CFAP96: variants seen among roughly 807,000 people sequenced by gnomAD.
CFAP96 encodes the protein cilia-and flagella-associated protein 96.
At chr4:185,419,257 G>T in the CFAP96 span, among the ~76,000 whole-genome samples, 1 of 151,768 alleles carries the variant, frequency 6.6e-6, no homozygotes, top group Non-Finnish European at 1.5e-5. Context: ...TCAGCCTCCC[G>T]AGTAGCTGGG....
the CFAP96 span, among the ~76,000 whole-genome samples, chr4:185,419,281 G>A: frequency 1.3e-5 from 2 of 151,988 alleles, no homozygotes; most frequent in African/African-American, 2.4e-5. Context: ...ACAGGTGCCC[G>A]CCACCACACC....
the CFAP96 span, chr4:185,415,304 CAGTT>C: frequency 6.2e-7 from 1 of 1,600,054 alleles, no homozygotes; most frequent in Non-Finnish European, 8.5e-7. Context: ...TTTTCCATGT[CAGTT>C]AGTTGATTAT....
chr4:185,437,315 C>G, the CFAP96 span, among the ~76,000 whole-genome samples: 1 of 152,178 alleles, frequency 6.6e-6, no homozygotes, highest in African/African-American at 2.4e-5. Flanking sequence ...TGCGGAATGT[C>G]TATTTGTAAA....
the CFAP96 span, among the ~76,000 whole-genome samples, chr4:185,419,030 GA>G: frequency 2.0e-5 from 3 of 152,194 alleles, no homozygotes; most frequent in African/African-American, 7.2e-5. Context: ...ACTAATTCTA[GA>G]ACATTTTCAT....
chr4:185,442,946 G>T, the CFAP96 span, among the ~76,000 whole-genome samples: 1 of 151,908 alleles, frequency 6.6e-6, no homozygotes, highest in Non-Finnish European at 1.5e-5. Flanking sequence ...AAGTATTTTT[G>T]CAGGAATAAT....
At chr4:185,432,902 G>GT in the CFAP96 span, among the ~76,000 whole-genome samples, 2 of 150,650 alleles carry the variant, frequency 1.3e-5, no homozygotes, top group African/African-American at 4.9e-5. Context: ...TTTTTTTGTT[G>GT]TTTTTTGAGA....
chr4:185,449,522 TA>T, the CFAP96 span: 34,676 of 803,906 alleles, frequency 0.043, no homozygotes, highest in South Asian at 0.081. Context: ...GACCCGGTCT[TA>T]AAAAAAAAAA....
chr4:185,422,648 T>G, the CFAP96 span: 7 of 867,254 alleles, frequency 8.1e-6, no homozygotes, highest in South Asian at 1.3e-4. Context: ...AGTTTAGTGT[T>G]AAGACATTAA....
chr4:185,408,649 C>T, the CFAP96 span, among the ~76,000 whole-genome samples: 1 of 152,190 alleles, frequency 6.6e-6, no homozygotes, highest in Non-Finnish European at 1.5e-5. Flanking sequence ...CAGGACCTAC[C>T]TTCTGGCCTC....
chr4:185,416,650 T>C, the CFAP96 span, among the ~76,000 whole-genome samples: 1 of 152,074 alleles, frequency 6.6e-6, no homozygotes, highest in African/African-American at 2.4e-5. Context: ...TGTGTGCCCA[T>C]GGAAAAATGA....
chr4:185,417,737 T>C, the CFAP96 span, among the ~76,000 whole-genome samples: 2 of 152,006 alleles, frequency 1.3e-5, no homozygotes, highest in African/African-American at 2.4e-5. Flanking sequence ...TACTCAGTAA[T>C]ATCAGTTCAA....
chr4:185,409,668 T>C, the CFAP96 span, among the ~76,000 whole-genome samples: 1 of 152,174 alleles, frequency 6.6e-6, no homozygotes, highest in African/African-American at 2.4e-5. Context: ...TCCTAATCCC[T>C]GGAACTTGTG....
At chr4:185,448,725 G>C in the CFAP96 span, among the ~76,000 whole-genome samples, 3 of 152,130 alleles carry the variant, frequency 2.0e-5, no homozygotes, top group Non-Finnish European at 4.4e-5. Context: ...TAAACAGACA[G>C]TAAAATTAGA....
chr4:185,416,485 T>C, the CFAP96 span, among the ~76,000 whole-genome samples: 1 of 152,222 alleles, frequency 6.6e-6, no homozygotes, highest in African/African-American at 2.4e-5. Context: ...ACTAAACTTA[T>C]TTCGCAAAAT....
chr4:185,438,690 C>G, the CFAP96 span, among the ~76,000 whole-genome samples: 1 of 152,108 alleles, frequency 6.6e-6, no homozygotes, highest in Non-Finnish European at 1.5e-5. Context: ...TATTCTCGGG[C>G]TTTTTCTGGA....
chr4:185,422,189 G>A, the CFAP96 span, among the ~76,000 whole-genome samples: 1 of 152,190 alleles, frequency 6.6e-6, no homozygotes, highest in Non-Finnish European at 1.5e-5. Flanking sequence ...AATTCTCGAC[G>A]CACATTTACA....
the CFAP96 span, chr4:185,429,383 T>G: frequency 7.2e-7 from 1 of 1,398,304 alleles, no homozygotes; most frequent in Non-Finnish European, 9.6e-7. Flanking sequence ...AAGTTAGCGG[T>G]ATAGAGAGTA....
the CFAP96 span, chr4:185,449,665 T>C: frequency 1.3e-6 from 2 of 1,493,000 alleles, no homozygotes; most frequent in Non-Finnish European, 9.1e-7. Context: ...ACAAGTAGCT[T>C]TCTAGATCTT....
At chr4:185,417,512 T>C in the CFAP96 span, among the ~76,000 whole-genome samples, 5 of 152,294 alleles carry the variant, frequency 3.3e-5, no homozygotes, top group African/African-American at 1.2e-4. Flanking sequence ...ATATCTCTTG[T>C]ATGCAATCCC....
Sources: gnomAD v4.1 joint callset for allele counts (sites outside exome capture counted in the v4.1 genomes callset) on GRCh38, gnomAD v4.1.1 for gene constraint, MANE v1.5 for transcripts, NCBI Gene and HGNC (gene_info 2026-07-23, HGNC 2026-07-21) for gene names.